The following FAT3 variants were observed in gnomAD, a reference collection of about 807,000 sequenced individuals.
FAT3 encodes FAT atypical cadherin 3, also known as protocadherin Fat 3.
Under a neutral mutation model 310.2 loss-of-function variants are expected in FAT3, and 95 were observed. The observed-to-expected ratio is 0.31, with a 90% CI of 0.26 to 0.36. The LOEUF is 0.36. Ranked by LOEUF, FAT3 falls within the 10% of genes least tolerant of loss-of-function variation. The probability of loss-of-function intolerance (pLI) is 1.00; values close to 1 mark genes in which losing one functional copy is unlikely to be tolerated. For synonymous variants in FAT3, 2,314 were observed against 2,192.9 expected, an observed-to-expected ratio of 1.06 and a Z score of -1.54; for missense variants, 5,408 against 5,715.6, an observed-to-expected ratio of 0.95 and a Z score of 1.74.
intron 4 of FAT3, among the ~76,000 whole-genome samples, chr11:92,714,746 C>T (rs1944623323): frequency 1.3e-5 from 2 of 152,094 alleles, no homozygotes; most frequent in Admixed American, 6.5e-5. Flanking sequence ...TAGAAACTAT[C>T]TACAGGTAGT....
chr11:92,800,005 A>G lies in FAT3; in HGVS notation c.6992A>G (p.Tyr2331Cys), dbSNP rs1471311341. The G allele has an allele frequency of 6.2e-7, 1 of 1,613,968 alleles. No individual in the cohort carries two copies. Among genetic ancestry groups the G allele is most frequent in the Non-Finnish European group, 8.5e-7 (1 of 1,179,874 alleles). ...CATTATCAGATTGTCCAGGATACCT[A>G]CAATAGCACAGATTATTTTCACATA... ...MVHYQIVQDTYNSTDYFHIDS... is the reference protein window; with the variant it reads ...MVHYQIVQDTCNSTDYFHIDS... The change falls in exon 10 of 28, where the codon TAC (tyrosine) becomes TGC (cysteine). Residue 2331 changes from tyrosine (Y) to cysteine (C), a missense_variant. Physicochemically the swap from Tyr to Cys is radical, Grantham distance 194 (BLOSUM62 -2). Around this residue, in one of 5 missense-constraint regions of FAT3, gnomAD observed 4,588 missense variants for 4,809.8 expected, o/e 0.95. Coordinates refer to ENST00000525166, the MANE Select transcript of FAT3 (RefSeq NM_001367949.2).
intron 13 of FAT3, 68 bp downstream of exon 13, chr11:92,810,144 T>C (rs1947629474): frequency 1.4e-6 from 2 of 1,422,112 alleles, no homozygotes; most frequent in Non-Finnish European, 1.9e-6. Flanking sequence ...GCCATTCCTT[T>C]AGTTTTATAA....
chr11:92,601,222 G>A (rs1206810347), intron 3 of FAT3, among the ~76,000 whole-genome samples: 1 of 151,748 alleles, frequency 6.6e-6, no homozygotes, highest in Non-Finnish European at 1.5e-5. Context: ...GGAGATGAGA[G>A]TAAAAACAGG....
chr11:92,867,165 G>A lies in FAT3; in HGVS notation c.12083G>A (p.Ser4028Asn), dbSNP rs2136352752. The change falls in exon 22 of 28, where the codon AGC (serine) becomes AAC (asparagine). Residue 4028 changes from serine to asparagine, a missense_variant. Physicochemically the swap from Ser to Asn is conservative, Grantham distance 46. This residue lies in a region of FAT3 where 4,588 missense variants were observed against 4,809.8 expected (regional missense o/e 0.95). Coordinates refer to ENST00000525166, the MANE Select transcript of FAT3 (RefSeq NM_001367949.2). ...CTCTATCCCGACGCCTGCAAGCGCA[G>A]CCCGTGCCAGCACGGGGGCAGCTGC... is the stretch of plus-strand genomic sequence containing the variant. ...CVLYPDACKR[S>N]PCQHGGSCTG... 6.3e-7 allele frequency: 1 copy of A among 1,594,288 alleles called. No individual in the cohort carries two copies. The highest frequency in any genetic ancestry group is 1.7e-4 in the Middle Eastern group (1 of 5,860).
chr11:92,473,844 GC>G (rs1381198418), intron 2 of FAT3, among the ~76,000 whole-genome samples: 1 of 152,152 alleles, frequency 6.6e-6, no homozygotes, highest in Non-Finnish European at 1.5e-5. Flanking sequence ...TACACTGCTA[GC>G]CCAGAATGAT....
intron 24 of FAT3, among the ~76,000 whole-genome samples, chr11:92,885,377 G>A (rs537405036): frequency 1.3e-5 from 2 of 152,186 alleles, no homozygotes; most frequent in Admixed American, 6.5e-5. Context: ...AAAAGGAGAA[G>A]TTAGGATTAA....
At chr11:92,500,039 A>C (rs945411092) in intron 2 of FAT3, among the ~76,000 whole-genome samples, 1 of 152,172 alleles carries the variant, frequency 6.6e-6, no homozygotes, top group Non-Finnish European at 1.5e-5. Context: ...TGTAAAATTT[A>C]AAATGTTTTC....
Position 92,268,023 on chromosome 11 carries a change from G to A in FAT3, c.-18+42849G>A, listed in dbSNP as rs1946016480. The stretch of plus-strand genomic sequence containing the variant: ...CATTATAGGCTTTTAGAGTATTAAA[G>A]GAATTTAAGTTATCTGCCCTAAGTC... On this transcript the variant is annotated intron_variant, in intron 1 of 27. Transcript: ENST00000525166. Among the ~76,000 whole-genome samples, 6 of 149,618 alleles carry A rather than the reference G, an allele frequency of 4.0e-5. No homozygotes were observed. The South Asian group carries it at 1.3e-3, about 32-fold the overall frequency.
chr11:92,713,507 G>A (rs1944588417), intron 4 of FAT3, among the ~76,000 whole-genome samples: 1 of 152,122 alleles, frequency 6.6e-6, no homozygotes, highest in Admixed American at 6.5e-5. Flanking sequence ...TTAGTTTCTG[G>A]ATATGCAAAG....
In FAT3 at chr11:92,834,958, T is replaced by C. The variant is rs747834133; in HGVS notation, c.9960T>C (p.Ala3320=). 7 of 1,613,354 alleles carry C rather than the reference T, an allele frequency of 4.3e-6. No homozygotes were observed. Among genetic ancestry groups the C allele is most frequent in the Non-Finnish European group, 3.4e-6 (4 of 1,179,678 alleles). Residue 3320 remains alanine, a synonymous_variant, in exon 15 of 28, where the codon GCT becomes GCC. Coordinates refer to ENST00000525166, the MANE Select transcript of FAT3 (RefSeq NM_001367949.2). Reference sequence around the variant, plus strand: ...AAGCCAAAGATGGGGGCACCCCAGCTCTCAGCGCTGTGGCCACTGTCAACA... The same window carrying C: ...AAGCCAAAGATGGGGGCACCCCAGCCCTCAGCGCTGTGGCCACTGTCAACA... The part of the protein sequence containing the change: ...VVEAKDGGTP[A]LSAVATVNIN...
intron 26 of FAT3, 105 bp downstream of exon 26, chr11:92,889,353 G>A: frequency 1.9e-6 from 1 of 513,478 alleles, no homozygotes; most frequent in Non-Finnish European, 3.5e-6. Flanking sequence ...GCAATAAACA[G>A]CTGGTTTCTG....
In FAT3 at chr11:92,353,464, A is replaced by G. The variant is rs762782537; in HGVS notation, c.1352A>G (p.Glu451Gly). ...TATAAACTGGAGGTGACAAACAAGG[A>G]AGGAGATTTAAAAGCACAGGTCACC... ...EVYKLEVTNK[E>G]GDLKAQVTIS... Residue 451 changes from glutamate to glycine, a missense_variant, in exon 2 of 28, where the codon GAA becomes GGA. This residue lies in a region of FAT3 where 4,588 missense variants were observed against 4,809.8 expected (regional missense o/e 0.95). Coordinates refer to ENST00000525166, the MANE Select transcript of FAT3 (RefSeq NM_001367949.2). The G allele has an allele frequency of 1.4e-5, 22 of 1,613,384 alleles. No homozygotes were observed. Among genetic ancestry groups the G allele is most frequent in the Non-Finnish European group, 1.8e-5 (21 of 1,179,746 alleles).
intron 3 of FAT3, among the ~76,000 whole-genome samples, chr11:92,611,124 C>G (rs1940542273): frequency 6.6e-6 from 1 of 151,850 alleles, no homozygotes; most frequent in Non-Finnish European, 1.5e-5. Context: ...TATCTTCTCT[C>G]TATTTATTTA....
rs1378527002 is a variant in FAT3, at chr11:92,454,234, CA to C, written c.3293-70399del. Among the ~76,000 whole-genome samples, 84 of 152,162 alleles carry C rather than the reference CA, an allele frequency of 5.5e-4. 2 individuals carry two copies. In the East Asian group the frequency reaches 0.014, roughly 26 times the overall value. On this transcript the variant is annotated intron_variant, in intron 2 of 27. Coordinates refer to ENST00000525166, the MANE Select transcript of FAT3 (RefSeq NM_001367949.2). ...GTAGCCACACATGACTAATGGCTACCATTTGGGATGATGCAGGTCCAGAGTA... is the reference window on the plus strand; with the variant it reads ...GTAGCCACACATGACTAATGGCTACCTTTGGGATGATGCAGGTCCAGAGTA...
intron 2 of FAT3, among the ~76,000 whole-genome samples, chr11:92,408,821 G>T (rs1950192736): frequency 6.6e-6 from 1 of 152,198 alleles, no homozygotes; most frequent in African/African-American, 2.4e-5. Flanking sequence ...TTACGGCATA[G>T]CGATGCAAAG....
At chr11:92,713,843 G>A (rs1944597346) in intron 4 of FAT3, among the ~76,000 whole-genome samples, 1 of 152,168 alleles carries the variant, frequency 6.6e-6, no homozygotes, top group Non-Finnish European at 1.5e-5. Flanking sequence ...AGAAAACTCA[G>A]TTCATAATTT....
chr11:92,461,753 C>T lies in FAT3; in HGVS notation c.3293-62881C>T, dbSNP rs1951643481. 3.3e-5 allele frequency among the ~76,000 whole-genome samples: 5 copies of T among 152,292 alleles called. No homozygotes were observed. In the South Asian group the frequency reaches 1.0e-3, roughly 32 times the overall value. ...AGAGTCAGAGGCAGGGACCAGATGA[C>T]ATACAGTCCTTGAAGGTTAATGTTA... On this transcript the variant is annotated intron_variant, in intron 2 of 27. Coordinates refer to ENST00000525166, the MANE Select transcript of FAT3 (RefSeq NM_001367949.2).
At chr11:92,660,941 T>C (rs7483017) in intron 3 of FAT3, among the ~76,000 whole-genome samples, 1 of 152,184 alleles carries the variant, frequency 6.6e-6, no homozygotes, top group African/African-American at 2.4e-5. Context: ...TTAGGTCCAA[T>C]GGCAATAAGA....
chr11:92,670,689 TTG>T (rs1213302564), intron 3 of FAT3, among the ~76,000 whole-genome samples: 1 of 152,224 alleles, frequency 6.6e-6, no homozygotes, highest in African/African-American at 2.4e-5. Flanking sequence ...ATTATTTACC[TTG>T]TGATAACATC....
Sources: allele counts gnomAD v4.1 joint callset (sites outside exome capture counted in the v4.1 genomes callset), GRCh38; gene constraint gnomAD v4.1.1; regional missense constraint gnomAD v4.1.1; transcripts MANE v1.5; gene names NCBI Gene and HGNC (gene_info 2026-07-23, HGNC 2026-07-21).